The following MTG2 variants were observed in gnomAD, a reference collection of about 807,000 sequenced individuals.
The protein encoded by MTG2 is mitochondrial ribosome associated GTPase 2.
Under a neutral mutation model 28.6 loss-of-function variants are expected in MTG2, and 23 were observed. That is an observed-to-expected ratio of 0.80 (90% CI 0.58 to 1.14). The LOEUF (loss-of-function observed/expected upper bound fraction) is 1.14, where lower values mean the gene tolerates loss of function less well. MTG2 is among the 50% of genes most tolerant of loss of function. MTG2 has a pLI of 0.00. For missense variants in MTG2, 539 were observed against 552.0 expected (o/e 0.98, Z 0.24); for synonymous variants, 260 against 251.8 (o/e 1.03, Z -0.31).
chr20:62,185,297 A>G (rs148871995), intron 1 of MTG2, among the ~76,000 whole-genome samples: 1,756 of 152,188 alleles, frequency 0.012, 37 homozygotes, highest in African/African-American at 0.04. Context: ...CTGTAATCCC[A>G]GCTACTCGGG....
chr20:62,192,850 G>A (rs558586227), intron 1 of MTG2, among the ~76,000 whole-genome samples: 6 of 152,326 alleles, frequency 3.9e-5, no homozygotes, highest in South Asian at 2.1e-4. Flanking sequence ...AGCCAGGGCC[G>A]CGGTTGTGCA....
At chr20:62,183,888 A>T (rs2057777684) in intron 1 of MTG2, among the ~76,000 whole-genome samples, 1 of 152,252 alleles carries the variant, frequency 6.6e-6, no homozygotes, top group Admixed American at 6.5e-5. Flanking sequence ...TCCTGGCCTT[A>T]GTCCCTTGGG....
At chr20:62,187,632 C>T (rs922229184) in intron 1 of MTG2, among the ~76,000 whole-genome samples, 4 of 152,200 alleles carry the variant, frequency 2.6e-5, no homozygotes, top group Non-Finnish European at 5.9e-5. Context: ...GGCATGAAGT[C>T]GTTCCCAGCA....
chr20:62,190,771 C>A (rs777906526), intron 1 of MTG2, among the ~76,000 whole-genome samples: 3 of 152,224 alleles, frequency 2.0e-5, no homozygotes, highest in Non-Finnish European at 4.4e-5. Flanking sequence ...ACAGGCACGG[C>A]TGCGGGGGCA....
At chr20:62,187,218 G>A in intron 1 of MTG2, among the ~76,000 whole-genome samples, 1 of 152,206 alleles carries the variant, frequency 6.6e-6, no homozygotes, top group East Asian at 1.9e-4. Flanking sequence ...AGGTCTTGAT[G>A]TGTGATCCTT....
intron 4 of MTG2, 129 bp downstream of exon 4, chr20:62,198,096 C>T (rs1401615340): frequency 2.1e-5 from 15 of 702,888 alleles, no homozygotes; most frequent in Middle Eastern, 3.9e-4. Flanking sequence ...ACAATGGAAA[C>T]GGAGGCTGGC....
At chr20:62,187,851 T>TTA (rs1568781679) in intron 1 of MTG2, among the ~76,000 whole-genome samples, 3 of 152,222 alleles carry the variant, frequency 2.0e-5, no homozygotes, top group African/African-American at 7.2e-5. Flanking sequence ...TACTCGACGC[T>TTA]TACTTTGCTC....
chr20:62,196,754 C>T lies in MTG2; in HGVS notation c.352+805C>T, dbSNP rs150520138. The stretch of plus-strand genomic sequence containing the variant: ...TAAATTATATGGATATTCAGCCGGG[C>T]GTGGTGGCTCACACCTGTAATCCCA... On this transcript the variant is annotated intron_variant, in intron 3 of 6. Transcript: ENST00000370823. Among the ~76,000 whole-genome samples the T allele has an allele frequency of 4.8e-3, 723 of 151,626 alleles. 2 individuals are homozygous for T. Among genetic ancestry groups the T allele is most frequent in the Middle Eastern group, 0.027 (8 of 292 alleles).
chr20:62,198,837 G>C lies in MTG2; in HGVS notation c.672G>C (p.Val224=). ...TTCTCCACCTGGAGCTCAAGACGGTGGCCCACGCCGGAATGGTAGGTGTCC... is the reference window on the plus strand; with the variant it reads ...TTCTCCACCTGGAGCTCAAGACGGTCGCCCACGCCGGAATGGTAGGTGTCC... ...QRVLHLELKT[V]AHAGMVGFPN... Residue 224 remains valine, a synonymous_variant, in exon 5 of 7, where the codon GTG becomes GTC. Coordinates refer to ENST00000370823, the MANE Select transcript of MTG2 (RefSeq NM_015666.4). 6.2e-7 allele frequency: 1 copy of C among 1,614,084 alleles called. No individual in the cohort carries two copies. The highest frequency in any genetic ancestry group is 8.5e-7 in the Non-Finnish European group (1 of 1,180,048).
At chr20:62,184,144 G>A (rs2057785880) in intron 1 of MTG2, among the ~76,000 whole-genome samples, 1 of 152,192 alleles carries the variant, frequency 6.6e-6, no homozygotes, top group Non-Finnish European at 1.5e-5. Flanking sequence ...AGATCACGAG[G>A]TCAGGAGTTA....
intron 1 of MTG2, among the ~76,000 whole-genome samples, chr20:62,191,152 C>G (rs1384741078): frequency 1.3e-5 from 2 of 152,174 alleles, no homozygotes; most frequent in Non-Finnish European, 2.9e-5. Flanking sequence ...ACGTCCTGTG[C>G]ACAGCTGGCC....
chr20:62,189,241 G>A (rs2057907280), intron 1 of MTG2, among the ~76,000 whole-genome samples: 1 of 151,844 alleles, frequency 6.6e-6, no homozygotes, highest in Admixed American at 6.6e-5. Context: ...GGAAGTCAAG[G>A]CTGTAATGAG....
intron 2 of MTG2, 46 bp downstream of exon 2, chr20:62,193,670 A>C: frequency 1.9e-6 from 3 of 1,548,272 alleles, no homozygotes; most frequent in Non-Finnish European, 2.6e-6. Context: ...CCTCCTCAGA[A>C]GGCACAGGGT....
chr20:62,185,399 G>A (rs547563930), intron 1 of MTG2, among the ~76,000 whole-genome samples: 46 of 151,816 alleles, frequency 3.0e-4, no homozygotes, highest in African/African-American at 1.0e-3. Context: ...GCGACAGAGC[G>A]AGACTGTCTC....
Position 62,200,978 on chromosome 20 carries a change from C to G in MTG2, c.1122C>G (p.Thr374=), listed in dbSNP as rs1245735930. The change falls in exon 7 of 7, where the codon ACC becomes ACG. Residue 374 remains threonine (T), a synonymous_variant. Transcript: ENST00000370823. ...AGGTCATCGTGCTGTCGGCGTTGAC[C>G]GGCGAGAACCTGGAGCAGCTGCTGT... ...GQEVIVLSAL[T]GENLEQLLLH... 1 of 1,613,854 alleles carries G rather than the reference C, an allele frequency of 6.2e-7. No homozygotes were observed. Among genetic ancestry groups the G allele is most frequent in the Non-Finnish European group, 8.5e-7 (1 of 1,180,016 alleles).
chr20:62,189,103 G>T (rs112339050), intron 1 of MTG2, among the ~76,000 whole-genome samples: 1 of 152,004 alleles, frequency 6.6e-6, no homozygotes, highest in East Asian at 1.9e-4. Context: ...CAGAAGGATC[G>T]CTTGAGACCA....
At position 62,197,887 on chromosome 20, in the gene MTG2, T is replaced by TC. The variant is rs1328372300; in HGVS notation, c.389dup (p.Arg131AlafsTer13). ...AGTCAAGTCCCTGTCGTCGGTCCTGTCGCGGTACCAGGGTTTCAGTGGAGA... is the reference window on the plus strand; with the variant it reads ...AGTCAAGTCCCTGTCGTCGGTCCTGTCCGCGGTACCAGGGTTTCAGTGGAGA... On this transcript the variant is annotated frameshift_variant, in exon 4 of 7. Coordinates refer to ENST00000370823, the MANE Select transcript of MTG2 (RefSeq NM_015666.4). LOFTEE classifies it high-confidence loss of function. 7 of 1,614,122 alleles carry TC rather than the reference T, an allele frequency of 4.3e-6. No homozygotes were observed. Among genetic ancestry groups the TC allele is most frequent in the Non-Finnish European group, 5.9e-6 (7 of 1,180,038 alleles).
At chr20:62,190,620 A>T (rs1010023364) in intron 1 of MTG2, among the ~76,000 whole-genome samples, 5 of 152,210 alleles carry the variant, frequency 3.3e-5, no homozygotes, top group Non-Finnish European at 7.3e-5. Context: ...GACAACACTT[A>T]AAAATATCCC....
chr20:62,195,728 C>T (rs59743276), intron 2 of MTG2, 74 bp from the exon 3 acceptor site: 1 of 1,567,626 alleles, frequency 6.4e-7, no homozygotes, highest in Admixed American at 1.7e-5. Context: ...AGATGTACAT[C>T]TCAAATGGAT....
Sources: allele counts gnomAD v4.1 joint callset (sites outside exome capture counted in the v4.1 genomes callset), GRCh38; gene constraint gnomAD v4.1.1; transcripts MANE v1.5; gene names NCBI Gene and HGNC (gene_info 2026-07-23, HGNC 2026-07-21).